Variants in KIAA1217 observed in about 807,000 individuals in gnomAD.
KIAA1217 encodes sickle tail protein homolog.
In KIAA1217, 88 loss-of-function variants were observed where a neutral mutation model predicts 163.9. The ratio of observed to expected loss-of-function variants is 0.54; its 90% CI spans 0.45 to 0.64. The LOEUF (loss-of-function observed/expected upper bound fraction) is 0.64. Among genes scored for constraint, KIAA1217 ranks in the 30% least tolerant of loss-of-function variants. The pLI is 0.00. For missense variants in KIAA1217, 2,372 were observed against 2,475.0 expected, an observed-to-expected ratio of 0.96 and a Z score of 0.88; for synonymous variants, 903 against 923.1, an observed-to-expected ratio of 0.98 and a Z score of 0.39.
intron 1 of KIAA1217, among the ~76,000 whole-genome samples, chr10:23,859,517 A>T (rs2131129712): frequency 6.6e-6 from 1 of 152,326 alleles, no homozygotes; most frequent in East Asian, 1.9e-4. Context: ...ACATGTCTTG[A>T]AGCATTCCTT....
chr10:23,836,901 T>C (rs1161847368), intron 1 of KIAA1217, among the ~76,000 whole-genome samples: 2 of 129,180 alleles, frequency 1.5e-5, no homozygotes, highest in African/African-American at 5.8e-5. Context: ...CTAGCCTGGG[T>C]GACAGAGTGA....
intron 2 of KIAA1217, among the ~76,000 whole-genome samples, chr10:24,082,595 G>A (rs555535934): frequency 2.0e-5 from 3 of 152,174 alleles, no homozygotes; most frequent in East Asian, 1.9e-4. Context: ...TTATAGCTGC[G>A]TAGTATTCTA....
At chr10:24,499,624 C>T (rs1283381842) in intron 8 of KIAA1217, among the ~76,000 whole-genome samples, 2 of 152,026 alleles carry the variant, frequency 1.3e-5, no homozygotes, top group African/African-American at 4.8e-5. Context: ...CCCAGCTACT[C>T]GGGAGGCTGA....
chr10:23,714,917 C>CT (rs1237526040), intron 1 of KIAA1217, among the ~76,000 whole-genome samples: 2 of 152,104 alleles, frequency 1.3e-5, no homozygotes, highest in African/African-American at 4.8e-5. Context: ...GGTATATGTG[C>CT]TTTAGCTCTA....
chr10:24,149,764 A>T (rs1218945441), intron 2 of KIAA1217, among the ~76,000 whole-genome samples: 2 of 152,198 alleles, frequency 1.3e-5, no homozygotes, highest in African/African-American at 4.8e-5. Context: ...GATGTTCTCA[A>T]CACAAAAGAG....
chr10:24,383,064 C>A (rs946636127), intron 3 of KIAA1217, among the ~76,000 whole-genome samples: 1 of 151,936 alleles, frequency 6.6e-6, no homozygotes, highest in African/African-American at 2.4e-5. Flanking sequence ...CCAGGCTGGT[C>A]TGGAATTCCT....
At chr10:23,764,926 C>T (rs10828543) in intron 1 of KIAA1217, among the ~76,000 whole-genome samples, 1 of 151,910 alleles carries the variant, frequency 6.6e-6, no homozygotes, top group East Asian at 1.9e-4. Context: ...TCAACATTCT[C>T]GTCTGTATTA....
At chr10:24,161,672 T>C (rs1333031548) in intron 2 of KIAA1217, among the ~76,000 whole-genome samples, 2 of 152,162 alleles carry the variant, frequency 1.3e-5, no homozygotes, top group Non-Finnish European at 2.9e-5. Flanking sequence ...CTAGGTTGAG[T>C]TGACGCTGTT....
intron 2 of KIAA1217, among the ~76,000 whole-genome samples, chr10:24,147,862 A>AAAAAG (rs1564755588): frequency 7.0e-5 from 10 of 143,530 alleles, no homozygotes; most frequent in Non-Finnish European, 1.4e-4. Flanking sequence ...AAAAAAAAAA[A>AAAAAG]GAAAGAAAGA....
At chr10:23,824,690 T>TA (rs1837816056) in intron 1 of KIAA1217, among the ~76,000 whole-genome samples, 1 of 134,534 alleles carries the variant, frequency 7.4e-6, no homozygotes, top group African/African-American at 2.8e-5. Context: ...TATGTATATA[T>TA]GATATGTAAA....
intron 2 of KIAA1217, among the ~76,000 whole-genome samples, chr10:24,167,904 A>C (rs2131903803): frequency 6.6e-6 from 1 of 152,202 alleles, no homozygotes; most frequent in South Asian, 2.1e-4. Flanking sequence ...AGTGCAAGAA[A>C]CCTCAAGATG....
At chr10:23,998,281 T>C (rs912934487) in intron 1 of KIAA1217, among the ~76,000 whole-genome samples, 1 of 152,212 alleles carries the variant, frequency 6.6e-6, no homozygotes, top group African/African-American at 2.4e-5. Context: ...TAAAATATCT[T>C]TATTGTTAAG....
At chr10:24,462,527 T>C (rs1448345124) in intron 5 of KIAA1217, among the ~76,000 whole-genome samples, 2 of 152,130 alleles carry the variant, frequency 1.3e-5, no homozygotes, top group East Asian at 1.9e-4. Flanking sequence ...GAAGCTGGGG[T>C]TCTTGCTGCC....
intron 2 of KIAA1217, among the ~76,000 whole-genome samples, chr10:24,152,246 C>T (rs956815632): frequency 5.3e-5 from 8 of 152,154 alleles, no homozygotes; most frequent in African/African-American, 1.9e-4. Context: ...TCTGGTTTGA[C>T]TAGTCTACAT....
At chr10:24,111,215 G>A (rs1309565392) in intron 2 of KIAA1217, among the ~76,000 whole-genome samples, 1 of 152,122 alleles carries the variant, frequency 6.6e-6, no homozygotes, top group East Asian at 1.9e-4. Context: ...CCAAAGGTTG[G>A]CTATGGATAA....
chr10:23,745,691 C>T (rs1482051366), intron 1 of KIAA1217, among the ~76,000 whole-genome samples: 4 of 152,094 alleles, frequency 2.6e-5, no homozygotes, highest in African/African-American at 9.7e-5. Context: ...GTACTTGGCC[C>T]ACCGATAATT....
chr10:24,409,238 T>A (rs1460746882), intron 3 of KIAA1217, among the ~76,000 whole-genome samples: 1 of 152,220 alleles, frequency 6.6e-6, no homozygotes, highest in Non-Finnish European at 1.5e-5. Context: ...TGTACTTATG[T>A]CAAATATTAC....
At chr10:24,146,996 T>C (rs907410436) in intron 2 of KIAA1217, among the ~76,000 whole-genome samples, 3 of 149,172 alleles carry the variant, frequency 2.0e-5, no homozygotes, top group Admixed American at 2.0e-4. Context: ...GGAACATGTT[T>C]TTGTTTTGTT....
intron 1 of KIAA1217, among the ~76,000 whole-genome samples, chr10:23,761,343 T>G: frequency 6.6e-6 from 1 of 152,344 alleles, no homozygotes; most frequent in East Asian, 1.9e-4. Flanking sequence ...TTAAGTGTGA[T>G]GTTAGGGTGT....
Sources: allele counts gnomAD v4.1 joint callset (sites outside exome capture counted in the v4.1 genomes callset), GRCh38; gene constraint gnomAD v4.1.1; transcripts MANE v1.5; gene names NCBI Gene and HGNC (gene_info 2026-07-23, HGNC 2026-07-21).